TAB2: variants seen among roughly 807,000 people sequenced by gnomAD.
TAB2 encodes TGF-beta activated kinase 1 (MAP3K7) binding protein 2, also known as TGF-beta-activated kinase 1 and MAP3K7-binding protein 2.
A neutral mutation model predicts 65.0 loss-of-function variants in TAB2; 3 were observed. The observed-to-expected ratio is 0.05, with a 90% CI of 0.02 to 0.12. The LOEUF (loss-of-function observed/expected upper bound fraction) is 0.12. TAB2 is among the 10% of genes least tolerant of loss of function. The pLI, the probability that TAB2 is intolerant of heterozygous loss-of-function variation, is 1.00. For missense variants in TAB2, 623 were observed against 840.3 expected (o/e 0.74, Z 3.20); for synonymous variants, 298 against 285.1 (o/e 1.05, Z -0.46).
chr6:149,292,676 G>A (rs1562402789), intron 1 of TAB2, among the ~76,000 whole-genome samples: 1 of 151,996 alleles, frequency 6.6e-6, no homozygotes, highest in Non-Finnish European at 1.5e-5. Flanking sequence ...GATGACATAT[G>A]TCAAAAAATG....
At chr6:149,264,518 G>C (rs1778221401) in intron 1 of TAB2, among the ~76,000 whole-genome samples, 1 of 152,046 alleles carries the variant, frequency 6.6e-6, no homozygotes, top group Non-Finnish European at 1.5e-5. Flanking sequence ...GTAAAATGTT[G>C]CTTCATGTAT....
chr6:149,228,902 C>T (rs926341882), intron 1 of TAB2, among the ~76,000 whole-genome samples: 2 of 152,168 alleles, frequency 1.3e-5, no homozygotes, highest in African/African-American at 4.8e-5. Context: ...CGCATGTGCA[C>T]ACTCACATAC....
intron 1 of TAB2, among the ~76,000 whole-genome samples, chr6:149,293,291 T>C (rs553952706): frequency 1.4e-3 from 207 of 152,350 alleles, no homozygotes; most frequent in South Asian, 5.2e-3. Context: ...ATAGTATAAA[T>C]TTGTTTTATA....
intron 1 of TAB2, chr6:149,321,528 C>G (rs1380818799): frequency 1.3e-5 from 2 of 152,264 alleles, no homozygotes; most frequent in African/African-American, 2.4e-5. Flanking sequence ...CTCAAAACAG[C>G]CTATTTACTA....
chr6:149,254,010 G>GAAAT (rs1245029912), intron 1 of TAB2, among the ~76,000 whole-genome samples: 3 of 137,162 alleles, frequency 2.2e-5, no homozygotes, highest in Non-Finnish European at 4.8e-5. Context: ...AAGAAAGAAA[G>GAAAT]AAAGAAAGAA....
At chr6:149,350,349 C>T (rs777342488) in intron 1 of TAB2, among the ~76,000 whole-genome samples, 15 of 152,166 alleles carry the variant, frequency 9.9e-5, no homozygotes, top group Non-Finnish European at 1.9e-4. Context: ...GGCAACAAGG[C>T]ATTTTTCAGA....
At chr6:149,259,372 CAT>C (rs1554254600) in intron 1 of TAB2, among the ~76,000 whole-genome samples, 7 of 148,522 alleles carry the variant, frequency 4.7e-5, no homozygotes, top group Non-Finnish European at 4.5e-5. Context: ...CACACACACA[CAT>C]ACACACAATC....
chr6:149,395,738 T>C (rs1782142930), intron 3 of TAB2, among the ~76,000 whole-genome samples: 1 of 152,086 alleles, frequency 6.6e-6, no homozygotes, highest in Non-Finnish European at 1.5e-5. Flanking sequence ...TCTTATTCCA[T>C]TCTTTTGTGT....
intron 1 of TAB2, among the ~76,000 whole-genome samples, chr6:149,235,232 G>A (rs943959423): frequency 2.0e-5 from 3 of 152,200 alleles, no homozygotes; most frequent in African/African-American, 4.8e-5. Context: ...GTGGGTTTAC[G>A]GTTTCAATCC....
chr6:149,227,671 T>TAAAA, intron 1 of TAB2, among the ~76,000 whole-genome samples: 1 of 152,224 alleles, frequency 6.6e-6, no homozygotes, highest in Non-Finnish European at 1.5e-5. Flanking sequence ...AGGAATCTTT[T>TAAAA]CTGGACCTTG....
intron 1 of TAB2, among the ~76,000 whole-genome samples, chr6:149,255,700 C>G (rs1015763991): frequency 6.6e-6 from 1 of 152,126 alleles, no homozygotes. Flanking sequence ...TATGTGATTT[C>G]TTTCTTCTTT....
intron 6 of TAB2, among the ~76,000 whole-genome samples, chr6:149,403,375 TACAC>T (rs1782550355): frequency 1.2e-5 from 1 of 85,114 alleles, no homozygotes; most frequent in South Asian, 3.8e-4. Context: ...CACACACACA[TACAC>T]ATACACATAT....
intron 6 of TAB2, among the ~76,000 whole-genome samples, chr6:149,403,351 CA>C (rs1782546747): frequency 7.7e-6 from 1 of 130,176 alleles, no homozygotes. Context: ...CACACACACA[CA>C]CACACACACA....
In TAB2 at chr6:149,378,486, A is replaced by G; in HGVS notation, c.571A>G (p.Thr191Ala). ...CCCAAATATCCAGACTGGTCGTAATACTCCTACATCTTTGCACATACATGG... is the reference window on the plus strand; with the variant it reads ...CCCAAATATCCAGACTGGTCGTAATGCTCCTACATCTTTGCACATACATGG... ...LAPNIQTGRN[T>A]PTSLHIHGVP... Residue 191 changes from threonine to alanine, a missense_variant, in exon 3 of 7, where the codon ACT (threonine) becomes GCT (alanine). This residue lies in a region of TAB2 where 550 missense variants were observed against 665.7 expected (regional missense o/e 0.83). Transcript: ENST00000637181. 6.2e-7 allele frequency: 1 copy of G among 1,614,012 alleles called. No individual in the cohort carries two copies. Among genetic ancestry groups the G allele is most frequent in the East Asian group, 2.2e-5 (1 of 44,888 alleles).
rs59196897 is a variant in TAB2 at position 149,281,555 on chromosome 6, C to CAAAAAAAAAAAAAAAAA, written c.-121+62789_-121+62805dup. 4.5e-4 allele frequency among the ~76,000 whole-genome samples: 32 copies of CAAAAAAAAAAAAAAAAA among 70,334 alleles called. 7 individuals are homozygous for CAAAAAAAAAAAAAAAAA. Among genetic ancestry groups the CAAAAAAAAAAAAAAAAA allele is most frequent in the African/African-American group, 1.5e-3 (29 of 19,638 alleles). The allele number at this position is 70,334 out of a possible 152,430, so 46.1% of individuals were successfully genotyped here. A position where few individuals can be genotyped will look rare whatever the true frequency, so the allele number is the denominator to read the frequency against. On this transcript the variant is annotated intron_variant, in intron 1 of 1. Transcript: ENST00000606202. Reference sequence around the variant, plus strand: ...TGAACAACACAGCAAGATGCCATCTCAAAAAAAAAAAAAAAAAAAAAAAAA... The same window carrying CAAAAAAAAAAAAAAAAA: ...TGAACAACACAGCAAGATGCCATCTCAAAAAAAAAAAAAAAAAAAAAAAAAAAAAAAAAAAAAAAAAA...
At chr6:149,284,744 A>G (rs984983625) in intron 1 of TAB2, among the ~76,000 whole-genome samples, 1 of 151,902 alleles carries the variant, frequency 6.6e-6, no homozygotes, top group African/African-American at 2.4e-5. Flanking sequence ...TGAAGGGCAT[A>G]CCTTATTTAT....
chr6:149,229,074 C>G (rs1364053080), intron 1 of TAB2, among the ~76,000 whole-genome samples: 2 of 152,158 alleles, frequency 1.3e-5, no homozygotes, highest in Middle Eastern at 3.2e-3. Flanking sequence ...GAAGGGAGAG[C>G]AAAGTTAGCA....
At chr6:149,399,247 T>C in intron 6 of TAB2, 63 bp downstream of exon 6, 4 of 1,338,380 alleles carry the variant, frequency 3.0e-6, no homozygotes, top group Non-Finnish European at 4.3e-6. Context: ...AGAAAATTTT[T>C]CCTGTTCAGC....
At chr6:149,252,149 G>A (rs1404845206) in intron 1 of TAB2, among the ~76,000 whole-genome samples, 1 of 152,170 alleles carries the variant, frequency 6.6e-6, no homozygotes, top group Non-Finnish European at 1.5e-5. Context: ...GCTCATGCCT[G>A]TAATCCCAGC....
Sources: gnomAD v4.1 joint callset for allele counts (sites outside exome capture counted in the v4.1 genomes callset) on GRCh38, gnomAD v4.1.1 for gene constraint, gnomAD v4.1.1 regional missense constraint, MANE v1.5 for transcripts, NCBI Gene and HGNC (gene_info 2026-07-23, HGNC 2026-07-21) for gene names.